NSUN3: variants seen among roughly 807,000 people sequenced by gnomAD.
The protein encoded by NSUN3 is tRNA (cytosine(34)-C(5))-methyltransferase, mitochondrial.
In NSUN3, 24 loss-of-function variants were observed where a neutral mutation model predicts 36.8. The observed-to-expected ratio is 0.65, with a 90% CI of 0.47 to 0.92. The LOEUF is 0.92. Ranked by LOEUF, NSUN3 falls within the 40% of genes least tolerant of loss-of-function variation. The pLI is 0.00. For missense variants in NSUN3, 381 were observed against 392.8 expected (o/e 0.97, Z 0.25); for synonymous variants, 146 against 145.2 (o/e 1.01, Z -0.04).
intron 5 of NSUN3, among the ~76,000 whole-genome samples, chr3:94,121,467 T>C (rs750298231): frequency 6.6e-5 from 10 of 152,174 alleles, no homozygotes; most frequent in Non-Finnish European, 1.3e-4. Flanking sequence ...CCATGTAAAA[T>C]GGCTTGCTTA....
intron 5 of NSUN3, among the ~76,000 whole-genome samples, chr3:94,102,248 C>A (rs1445903904): frequency 1.4e-5 from 2 of 145,280 alleles, no homozygotes; most frequent in African/African-American, 5.2e-5. Context: ...TTCTCTGATG[C>A]ACTGGAGCTA....
intron 1 of NSUN3, 179 bp downstream of exon 1, chr3:94,063,317 G>A (rs1399901456): frequency 1.3e-5 from 9 of 667,424 alleles, no homozygotes; most frequent in Non-Finnish European, 1.9e-5. Flanking sequence ...CTGTAATGCT[G>A]AGTCCCTTCC....
At chr3:94,077,245 T>C (rs2077250197) in intron 2 of NSUN3, 4 of 617,210 alleles carry the variant, frequency 6.5e-6, no homozygotes, top group Non-Finnish European at 1.2e-5. Context: ...GCAGGCCGGA[T>C]TGATTTGCAT....
chr3:94,078,493 G>A (rs568569303), intron 2 of NSUN3, among the ~76,000 whole-genome samples: 1 of 152,116 alleles, frequency 6.6e-6, no homozygotes, highest in Non-Finnish European at 1.5e-5. Context: ...GAATATCCTT[G>A]TTAATTTTCT....
rs1388092783 is a variant in NSUN3, at chr3:94,076,808, T to A, written c.123-7299T>A. On this transcript the variant is annotated intron_variant, in intron 2 of 5. Coordinates refer to ENST00000314622, the MANE Select transcript of NSUN3 (RefSeq NM_022072.5). ...GGCCCTGTTTACTTCTCCTTCATGG[T>A]TGATCTTGATTTCTATTTCAATTTT... 2.5e-6 allele frequency: 4 copies of A among 1,580,588 alleles called. No individual in the cohort carries two copies. In the Admixed American group the frequency reaches 5.0e-5, roughly 20 times the overall value.
intron 5 of NSUN3, among the ~76,000 whole-genome samples, chr3:94,121,654 T>A (rs1018335325): frequency 6.6e-6 from 1 of 152,048 alleles, no homozygotes; most frequent in Non-Finnish European, 1.5e-5. Flanking sequence ...ATAGAAAAAG[T>A]TTTTTTAGAG....
At chr3:94,115,473 G>A (rs2077436112) in intron 5 of NSUN3, among the ~76,000 whole-genome samples, 1 of 152,120 alleles carries the variant, frequency 6.6e-6, no homozygotes, top group Admixed American at 6.5e-5. Flanking sequence ...ATAGTATATT[G>A]GGGCTGTAAT....
At chr3:94,125,052 T>G (rs2077479776) in intron 5 of NSUN3, among the ~76,000 whole-genome samples, 1 of 152,212 alleles carries the variant, frequency 6.6e-6, no homozygotes, top group Non-Finnish European at 1.5e-5. Flanking sequence ...CTACAGAATA[T>G]TCTTTATTTT....
At chr3:94,113,435 A>G (rs1274830889) in intron 5 of NSUN3, among the ~76,000 whole-genome samples, 2 of 152,246 alleles carry the variant, frequency 1.3e-5, no homozygotes, top group African/African-American at 4.8e-5. Context: ...GAATGAGGTA[A>G]CATATAACAC....
chr3:94,105,526 T>C (rs781352325), intron 5 of NSUN3, among the ~76,000 whole-genome samples: 11 of 152,164 alleles, frequency 7.2e-5, no homozygotes, highest in Non-Finnish European at 1.6e-4. Flanking sequence ...TCATTTTTTT[T>C]CCTCCAAAGA....
At chr3:94,075,169 C>T (rs1447966764) in intron 2 of NSUN3, among the ~76,000 whole-genome samples, 1 of 151,322 alleles carries the variant, frequency 6.6e-6, no homozygotes, top group East Asian at 2.0e-4. Flanking sequence ...TCAGTCTTCT[C>T]AATTTGACAG....
intron 3 of NSUN3, among the ~76,000 whole-genome samples, chr3:94,093,429 G>A (rs756342420): frequency 1.3e-5 from 2 of 152,130 alleles, no homozygotes; most frequent in Admixed American, 6.6e-5. Flanking sequence ...TAGTTCTCTA[G>A]TATTGTTGCC....
At position 94,082,771 on chromosome 3, in the gene NSUN3, G is replaced by A. The variant is rs561451660; in HGVS notation, c.123-1336G>A. On this transcript the variant is annotated intron_variant, in intron 2 of 5. Transcript: ENST00000314622. Reference sequence around the variant, plus strand: ...TGTTAAGAGATGGAACTCTTGGACCGAATGCAAATTTAACAGGGTAAAGCT... The same window carrying A: ...TGTTAAGAGATGGAACTCTTGGACCAAATGCAAATTTAACAGGGTAAAGCT... 7.2e-5 allele frequency among the ~76,000 whole-genome samples: 11 copies of A among 152,286 alleles called. No homozygotes were observed. In the East Asian group the frequency reaches 1.2e-3, roughly 16 times the overall value.
At chr3:94,076,824 T>A in intron 2 of NSUN3, 1 of 1,584,302 alleles carries the variant, frequency 6.3e-7, no homozygotes, top group African/African-American at 1.3e-5. Context: ...TTGATTTCTA[T>A]TTCAATTTTT....
chr3:94,108,437 T>C (rs2077400575), intron 5 of NSUN3, among the ~76,000 whole-genome samples: 1 of 152,226 alleles, frequency 6.6e-6, no homozygotes, highest in Admixed American at 6.5e-5. Flanking sequence ...CTTGGCTCAC[T>C]GCAACCTCCG....
chr3:94,103,588 C>G (rs2077374403), intron 5 of NSUN3, among the ~76,000 whole-genome samples: 1 of 151,208 alleles, frequency 6.6e-6, no homozygotes, highest in African/African-American at 2.4e-5. Context: ...ATTTATTACC[C>G]TTGGCTGCTA....
intron 2 of NSUN3, among the ~76,000 whole-genome samples, chr3:94,073,854 T>A (rs2077235748): frequency 6.6e-6 from 1 of 152,236 alleles, no homozygotes; most frequent in Non-Finnish European, 1.5e-5. Context: ...TTTTGGTGTT[T>A]TAGACATGAA....
intron 2 of NSUN3, among the ~76,000 whole-genome samples, chr3:94,067,274 C>T (rs907996840): frequency 6.6e-6 from 1 of 152,212 alleles, no homozygotes; most frequent in Non-Finnish European, 1.5e-5. Context: ...GAGAGGACAG[C>T]TGGAAGCTTC....
Position 94,076,725 on chromosome 3 carries a change from G to A in NSUN3, c.123-7382G>A. ...GGATGTTTTGTATAGTCCAAGATAA[G>A]AACATCACTGGAAGGAGTCTTTGTT... is the stretch of plus-strand genomic sequence containing the variant. On this transcript the variant is annotated intron_variant, in intron 2 of 5. Coordinates refer to ENST00000314622, the MANE Select transcript of NSUN3 (RefSeq NM_022072.5). The A allele has an allele frequency of 2.2e-6, 3 of 1,369,272 alleles. No homozygotes were observed. The South Asian group carries it at 3.5e-5, about 16-fold the overall frequency. 84.8% of individuals were successfully genotyped at this position (1,369,272 alleles called of 1,614,324 possible).
Sources: gnomAD v4.1 joint callset for allele counts (sites outside exome capture counted in the v4.1 genomes callset) on GRCh38, gnomAD v4.1.1 for gene constraint, MANE v1.5 for transcripts, NCBI Gene and HGNC (gene_info 2026-07-23, HGNC 2026-07-21) for gene names.